The following GLIS3 variants were observed in gnomAD, a reference collection of about 807,000 sequenced individuals.
GLIS3 encodes zinc finger protein GLIS3.
GLIS3 carries 53 observed loss-of-function variants against 78.6 expected under a neutral mutation model. That is an observed-to-expected ratio of 0.67 (90% confidence interval 0.54 to 0.85). The LOEUF (loss-of-function observed/expected upper bound fraction) is 0.85. Among genes scored for constraint, GLIS3 ranks in the 40% least tolerant of loss-of-function variants. The pLI is 0.00. For missense variants in GLIS3, 1,703 were observed against 1,231.1 expected, an observed-to-expected ratio of 1.38 and a Z score of -5.74; for synonymous variants, 684 against 509.9, an observed-to-expected ratio of 1.34 and a Z score of -4.60.
intron 4 of GLIS3, among the ~76,000 whole-genome samples, chr9:4,023,267 T>C (rs725334): frequency 0.012 from 1,790 of 152,270 alleles, 47 homozygotes; most frequent in African/African-American, 0.041. Flanking sequence ...CAAGAACAAA[T>C]TTTCCTTTTT....
chr9:4,382,498 A>G, the GLIS3 span, among the ~76,000 whole-genome samples: 2 of 152,170 alleles, frequency 1.3e-5, no homozygotes, highest in African/African-American at 2.4e-5. Context: ...TACCTCACAC[A>G]AACATCATCT....
chr9:4,342,970 T>G (rs1247540414), intron 2 of GLIS3, among the ~76,000 whole-genome samples: 3 of 152,202 alleles, frequency 2.0e-5, no homozygotes, highest in Non-Finnish European at 4.4e-5. Flanking sequence ...GCTGAAGTTG[T>G]TTATCAGATC....
intron 4 of GLIS3, among the ~76,000 whole-genome samples, chr9:4,002,445 T>C (rs780021782): frequency 6.6e-6 from 1 of 152,204 alleles, no homozygotes; most frequent in Non-Finnish European, 1.5e-5. Context: ...ACCTACTGAG[T>C]AGGCTTTACC....
the GLIS3 span, among the ~76,000 whole-genome samples, chr9:4,431,039 T>C: frequency 5.4e-4 from 82 of 152,332 alleles, no homozygotes; most frequent in African/African-American, 1.8e-3. Flanking sequence ...CCTTCCTCAG[T>C]TGAATCCCAA....
intron 2 of GLIS3, among the ~76,000 whole-genome samples, chr9:4,274,880 T>G (rs995617322): frequency 2.0e-5 from 3 of 152,224 alleles, no homozygotes; most frequent in African/African-American, 7.2e-5. Context: ...CTAAAACTGC[T>G]GGTCCTCAAA....
the GLIS3 span, among the ~76,000 whole-genome samples, chr9:4,439,362 T>G: frequency 1.3e-5 from 2 of 152,204 alleles, no homozygotes; most frequent in African/African-American, 4.8e-5. Flanking sequence ...TTAGAACGTT[T>G]TCCTCATCCA....
intron 2 of GLIS3, among the ~76,000 whole-genome samples, chr9:4,230,162 A>G (rs1262074766): frequency 1.3e-5 from 2 of 152,246 alleles, no homozygotes; most frequent in East Asian, 1.9e-4. Flanking sequence ...TCTGATCTAA[A>G]CACATATTTT....
At chr9:3,889,250 G>C (rs185842022) in intron 7 of GLIS3, among the ~76,000 whole-genome samples, 3 of 152,238 alleles carry the variant, frequency 2.0e-5, no homozygotes, top group African/African-American at 4.8e-5. Context: ...CTCCCACAAT[G>C]GCCCAGGCTG....
intron 2 of GLIS3, among the ~76,000 whole-genome samples, chr9:4,275,796 A>G (rs149822186): frequency 6.6e-6 from 1 of 152,254 alleles, no homozygotes; most frequent in Non-Finnish European, 1.5e-5. Flanking sequence ...AAATAAATAA[A>G]TAAATATTTT....
At chr9:3,866,926 G>A (rs1180980097) in intron 8 of GLIS3, among the ~76,000 whole-genome samples, 1 of 152,164 alleles carries the variant, frequency 6.6e-6, no homozygotes, top group African/African-American at 2.4e-5. Flanking sequence ...CCAGTTAGAG[G>A]CTATTTGCTT....
At chr9:3,972,856 T>TA (rs1331503302) in intron 4 of GLIS3, among the ~76,000 whole-genome samples, 1 of 152,196 alleles carries the variant, frequency 6.6e-6, no homozygotes, top group Non-Finnish European at 1.5e-5. Context: ...TGCATTGTAA[T>TA]ACTTCTTCCC....
chr9:4,180,819 T>C (rs16920871), intron 2 of GLIS3, among the ~76,000 whole-genome samples: 9,484 of 152,096 alleles, frequency 0.062, 454 homozygotes, highest in African/African-American at 0.13. Context: ...GAGGGCAAAA[T>C]ACCAGTCAAT....
At chr9:3,974,494 G>A (rs1433780523) in intron 4 of GLIS3, among the ~76,000 whole-genome samples, 1 of 152,078 alleles carries the variant, frequency 6.6e-6, no homozygotes, top group Non-Finnish European at 1.5e-5. Context: ...AATGCAATTG[G>A]GGAACTGACT....
the GLIS3 span, among the ~76,000 whole-genome samples, chr9:4,416,665 G>T: frequency 6.6e-6 from 1 of 151,948 alleles, no homozygotes; most frequent in Non-Finnish European, 1.5e-5. Context: ...TGGCTGTTTG[G>T]CTGGTGTCAC....
rs1017705542 is a variant in GLIS3 at position 4,313,663 on chromosome 9, T to G, written n.265-3135A>C. Reference sequence around the variant, plus strand: ...TCTTGAGTCAAAATGGACTAGTTACTAGAGTCTCCAAACACACCTTGAGTT... The same window carrying G: ...TCTTGAGTCAAAATGGACTAGTTACGAGAGTCTCCAAACACACCTTGAGTT... On this transcript the variant is annotated intron_variant and non_coding_transcript_variant, in intron 2 of 4. Coordinates refer to the GLIS3 transcript ENST00000471664. 2.6e-5 allele frequency among the ~76,000 whole-genome samples: 4 copies of G among 152,194 alleles called. No homozygotes were observed. The East Asian group carries it at 5.8e-4, about 22-fold the overall frequency.
chr9:3,848,346 CA>C (rs1819191794), intron 9 of GLIS3, among the ~76,000 whole-genome samples: 1 of 151,884 alleles, frequency 6.6e-6, no homozygotes, highest in African/African-American at 2.4e-5. Context: ...ACTAAAAATA[CA>C]AAAAATTAGC....
intron 8 of GLIS3, among the ~76,000 whole-genome samples, chr9:3,857,262 C>A (rs1786226591): frequency 2.0e-5 from 3 of 152,198 alleles, no homozygotes; most frequent in Non-Finnish European, 4.4e-5. Context: ...TGTAGAAAGA[C>A]AGGCTTTGTT....
At chr9:4,035,675 C>G (rs889230948) in intron 4 of GLIS3, among the ~76,000 whole-genome samples, 1 of 151,972 alleles carries the variant, frequency 6.6e-6, no homozygotes, top group African/African-American at 2.4e-5. Context: ...TCCCAAAGCA[C>G]GGGTCAGGGA....
At position 4,339,246 on chromosome 9, in the gene GLIS3, A is replaced by G. The variant is rs981216632; in HGVS notation, n.264+7835T>C. On this transcript the variant is annotated intron_variant and non_coding_transcript_variant, in intron 2 of 4. Transcript: ENST00000471664. ...TGACTGGATTTGTCTTCTTCACTGA[A>G]GTGAATTGATCTGTTGTTTTGTCAC... Among the ~76,000 whole-genome samples, 3 of 152,208 alleles carry G rather than the reference A, an allele frequency of 2.0e-5. No individual in the cohort carries two copies. In the East Asian group the frequency reaches 5.8e-4, roughly 29 times the overall value.
Sources: allele counts gnomAD v4.1 joint callset (sites outside exome capture counted in the v4.1 genomes callset), GRCh38; gene constraint gnomAD v4.1.1; transcripts MANE v1.5; gene names NCBI Gene and HGNC (gene_info 2026-07-23, HGNC 2026-07-21).